GABRG3: variants seen among roughly 807,000 people sequenced by gnomAD.
GABRG3 encodes gamma-aminobutyric acid type A receptor subunit gamma3.
Under a neutral mutation model 48.8 loss-of-function variants are expected in GABRG3, and 25 were observed. The observed-to-expected ratio is 0.51, with a 90% CI of 0.37 to 0.72. The LOEUF (loss-of-function observed/expected upper bound fraction) is 0.72, where lower values mean the gene tolerates loss of function less well. Among genes scored for constraint, GABRG3 ranks in the 30% least tolerant of loss-of-function variants. The pLI is 0.00. For synonymous variants in GABRG3, 227 were observed against 217.6 expected (o/e 1.04, Z -0.38); for missense variants, 394 against 577.9 (o/e 0.68, Z 3.26).
At chr15:27,405,625 G>A (rs75632934) in intron 5 of GABRG3, among the ~76,000 whole-genome samples, 8,646 of 152,174 alleles carry the variant, frequency 0.057, 271 homozygotes, top group Middle Eastern at 0.13. Context: ...AATACATCTT[G>A]TACTAGTGAA....
At chr15:27,516,836 A>G (rs1189827710) in intron 6 of GABRG3, among the ~76,000 whole-genome samples, 3 of 152,262 alleles carry the variant, frequency 2.0e-5, no homozygotes, top group Non-Finnish European at 2.9e-5. Flanking sequence ...TCTATGTTTA[A>G]TGCTAAAAAG....
At chr15:27,093,506 C>T (rs1219930040) in intron 3 of GABRG3, among the ~76,000 whole-genome samples, 1 of 152,154 alleles carries the variant, frequency 6.6e-6, no homozygotes, top group South Asian at 2.1e-4. Flanking sequence ...CTCTGCTGTT[C>T]ATATACACAA....
intron 3 of GABRG3, among the ~76,000 whole-genome samples, chr15:27,322,608 AG>A (rs1385302239): frequency 1.3e-5 from 2 of 152,208 alleles, no homozygotes; most frequent in Non-Finnish European, 2.9e-5. Flanking sequence ...TAGAGTCAGA[AG>A]GGTCGTTACA....
intron 2 of GABRG3, among the ~76,000 whole-genome samples, chr15:26,986,395 G>A (rs1027682813): frequency 1.2e-4 from 19 of 152,124 alleles, no homozygotes; most frequent in African/African-American, 4.3e-4. Flanking sequence ...GTCATCTCCA[G>A]GAGAGACTAA....
rs1158564889 is a variant in GABRG3 at position 27,179,011 on chromosome 15, A to G, written c.271-147798A>G. 3.9e-5 allele frequency among the ~76,000 whole-genome samples: 6 copies of G among 152,176 alleles called. No individual in the cohort carries two copies. The South Asian group carries it at 1.0e-3, about 26-fold the overall frequency. On this transcript the variant is annotated intron_variant, in intron 3 of 9. Coordinates refer to ENST00000615808, the MANE Select transcript of GABRG3 (RefSeq NM_033223.5). This position sits in a 1 kb window ranked among gnomAD's most constrained non-coding sequence, Gnocchi z 4.0. ...GAAGAGGGATTCTTGTTTCTATGGC[A>G]GCCTCAGAGGAGAATGGGACTGAGA...
At chr15:27,443,120 G>C (rs71465231) in intron 5 of GABRG3, among the ~76,000 whole-genome samples, 16,384 of 152,208 alleles carry the variant, frequency 0.11, 1,395 homozygotes, top group African/African-American at 0.24. Context: ...GTTAAAATGA[G>C]GTGATGAGCG....
intron 3 of GABRG3, among the ~76,000 whole-genome samples, chr15:27,106,801 T>C (rs74004703): frequency 0.25 from 38,233 of 151,898 alleles, 5,504 homozygotes; most frequent in African/African-American, 0.38. Context: ...AATTTTATGC[T>C]CATGAATTCA....
At chr15:27,310,273 C>G (rs760300950) in intron 3 of GABRG3, among the ~76,000 whole-genome samples, 1 of 151,964 alleles carries the variant, frequency 6.6e-6, no homozygotes, top group Non-Finnish European at 1.5e-5. Context: ...GATAGCTACA[C>G]AAATATATAC....
chr15:27,174,751 G>A (rs1267311855), intron 3 of GABRG3, among the ~76,000 whole-genome samples: 1 of 152,192 alleles, frequency 6.6e-6, no homozygotes, highest in East Asian at 1.9e-4. Context: ...GCCCCTGCAA[G>A]TTGGCTTTCA....
chr15:27,161,738 G>T (rs1232321998), intron 3 of GABRG3, among the ~76,000 whole-genome samples: 1 of 151,840 alleles, frequency 6.6e-6, no homozygotes, highest in Admixed American at 6.6e-5. Flanking sequence ...GGAGTTCAAG[G>T]TTCATGTTTT....
At chr15:27,478,969 T>A (rs1169414051) in intron 5 of GABRG3, among the ~76,000 whole-genome samples, 1 of 151,882 alleles carries the variant, frequency 6.6e-6, no homozygotes, top group African/African-American at 2.4e-5. Flanking sequence ...AGAAAATATA[T>A]AAGTGACTGC....
intron 3 of GABRG3, among the ~76,000 whole-genome samples, chr15:27,144,718 C>T (rs1044592161): frequency 6.6e-6 from 1 of 152,188 alleles, no homozygotes; most frequent in African/African-American, 2.4e-5. Flanking sequence ...CAGAAAATAC[C>T]TAAGAAGGCC....
chr15:27,347,596 C>T (rs1424974673), intron 5 of GABRG3, among the ~76,000 whole-genome samples: 1 of 152,168 alleles, frequency 6.6e-6, no homozygotes, highest in Non-Finnish European at 1.5e-5. Flanking sequence ...GTGTATTTCA[C>T]AATGATTAAT....
At chr15:27,468,636 G>A (rs762343131) in intron 5 of GABRG3, among the ~76,000 whole-genome samples, 2 of 152,076 alleles carry the variant, frequency 1.3e-5, no homozygotes, top group Non-Finnish European at 2.9e-5. Flanking sequence ...TGACCACACT[G>A]TATTACTCCT....
At chr15:27,239,659 T>G (rs971267553) in intron 3 of GABRG3, among the ~76,000 whole-genome samples, 2 of 152,230 alleles carry the variant, frequency 1.3e-5, no homozygotes, top group Admixed American at 6.5e-5. Flanking sequence ...AAATTATGTA[T>G]GTTATTGATA....
rs1219335990 is a variant in GABRG3 at position 27,536,634 on chromosome 15, A to C, written c.*3753A>C. On this transcript the variant is annotated 3_prime_UTR_variant, in exon 10 of 10. Transcript: ENST00000615808. ...ACTCTACATAAGGGAAATTGGGGCC[A>C]ATCTAAAATGTCAGCAACACAGTCC... The C allele has an allele frequency of 3.9e-5, 6 of 152,040 alleles. 1 individual carries two copies. The South Asian group carries it at 1.0e-3, about 26-fold the overall frequency. The allele number at this position is 152,040 out of a possible 1,614,324, so 9.4% of individuals were successfully genotyped here.
chr15:27,455,962 A>T (rs751506924), intron 5 of GABRG3, among the ~76,000 whole-genome samples: 4 of 152,152 alleles, frequency 2.6e-5, no homozygotes, highest in Non-Finnish European at 4.4e-5. Context: ...TGGTCACTGG[A>T]CATGAATTTG....
intron 5 of GABRG3, among the ~76,000 whole-genome samples, chr15:27,374,244 C>A (rs940395713): frequency 1.3e-5 from 2 of 150,520 alleles, no homozygotes; most frequent in Non-Finnish European, 3.0e-5. Flanking sequence ...GTGATCCCCC[C>A]ACAACAGCCT....
chr15:27,162,968 C>T (rs116966042), intron 3 of GABRG3, among the ~76,000 whole-genome samples: 2,273 of 152,082 alleles, frequency 0.015, 34 homozygotes, highest in Middle Eastern at 0.024. Context: ...TTACGAGATT[C>T]ACCTACAATC....
Sources: gnomAD v4.1 joint callset for allele counts (sites outside exome capture counted in the v4.1 genomes callset) on GRCh38, gnomAD v4.1.1 for gene constraint, Gnocchi (gnomAD v3.1) non-coding constraint, MANE v1.5 for transcripts, NCBI Gene and HGNC (gene_info 2026-07-23, HGNC 2026-07-21) for gene names.